SMIM3: variants seen among roughly 807,000 people sequenced by gnomAD.
The protein encoded by SMIM3 is NGF-induced differentiation clone 67 protein.
In SMIM3, 4 loss-of-function variants were observed where a neutral mutation model predicts 2.1. The observed-to-expected ratio is 1.89, with a 90% CI of 0.93 to 4.31. The LOEUF (loss-of-function observed/expected upper bound fraction) is 4.31. Ranked by LOEUF, SMIM3 falls within the 30% of genes most tolerant of loss-of-function variation. The pLI is 0.01. For missense variants in SMIM3, 79 were observed against 77.7 expected (o/e 1.02, Z -0.06); for synonymous variants, 29 against 30.8 (o/e 0.94, Z 0.19).
chr5:150,787,577 G>T (rs1239875701), intron 1 of SMIM3, among the ~76,000 whole-genome samples: 1 of 152,080 alleles, frequency 6.6e-6, no homozygotes, highest in Non-Finnish European at 1.5e-5. Flanking sequence ...TGCAGAATCA[G>T]GATTCCTGAG....
In SMIM3 at chr5:150,795,689, T is replaced by A; in HGVS notation, c.*66T>A. The stretch of plus-strand genomic sequence containing the variant: ...TCCTATCCCCAGCCTCTTCCTGTCT[T>A]CAGAAAAGCAGCAGGAGGGACTTTG... On this transcript the variant is annotated 3_prime_UTR_variant, in exon 2 of 2. Coordinates refer to ENST00000526627, the MANE Select transcript of SMIM3 (RefSeq NM_032947.5). 2.0e-6 allele frequency: 3 copies of A among 1,499,436 alleles called. No individual in the cohort carries two copies. The highest frequency in any genetic ancestry group is 1.8e-6 in the Non-Finnish European group (2 of 1,119,460). The allele number at this position is 1,499,436 out of a possible 1,614,324, so 92.9% of individuals were successfully genotyped here.
At chr5:150,779,786 G>C (rs1436398936) in intron 1 of SMIM3, among the ~76,000 whole-genome samples, 1 of 151,974 alleles carries the variant, frequency 6.6e-6, no homozygotes, top group Non-Finnish European at 1.5e-5. Flanking sequence ...GCTAACAGTA[G>C]GTGCTCCATA....
At chr5:150,785,920 G>A (rs1753288124) in intron 1 of SMIM3, among the ~76,000 whole-genome samples, 1 of 152,086 alleles carries the variant, frequency 6.6e-6, no homozygotes, top group African/African-American at 2.4e-5. Flanking sequence ...TCCAATTTAT[G>A]TATTCTGCTA....
chr5:150,790,781 T>C (rs1027319051), intron 1 of SMIM3, among the ~76,000 whole-genome samples: 1 of 152,208 alleles, frequency 6.6e-6, no homozygotes, highest in Non-Finnish European at 1.5e-5. Context: ...CCTTTGAGTC[T>C]AATTCAGTAT....
At chr5:150,779,082 C>T (rs1470543400) in intron 1 of SMIM3, 110 bp downstream of exon 1, 2 of 442,362 alleles carry the variant, frequency 4.5e-6, no homozygotes, top group African/African-American at 4.1e-5. Flanking sequence ...CAACGTTCTT[C>T]TTTATGTCCG....
chr5:150,780,303 G>T (rs1581619836), intron 1 of SMIM3, among the ~76,000 whole-genome samples: 2 of 152,120 alleles, frequency 1.3e-5, no homozygotes, highest in East Asian at 3.9e-4. Flanking sequence ...ATGCTCTTTG[G>T]TTTATGCAGG....
intron 1 of SMIM3, among the ~76,000 whole-genome samples, chr5:150,783,212 G>GTTGT (rs1408769322): frequency 6.6e-6 from 1 of 152,238 alleles, no homozygotes; most frequent in Non-Finnish European, 1.5e-5. Flanking sequence ...CTGGGACACA[G>GTTGT]TTGTTAGGTT....
At chr5:150,789,219 G>A (rs888615547) in intron 1 of SMIM3, among the ~76,000 whole-genome samples, 2 of 152,136 alleles carry the variant, frequency 1.3e-5, no homozygotes, top group African/African-American at 4.8e-5. Context: ...AAGAAACAAG[G>A]TTTTATGCAC....
chr5:150,792,350 C>T (rs373560816), intron 1 of SMIM3, among the ~76,000 whole-genome samples: 3 of 152,278 alleles, frequency 2.0e-5, no homozygotes, highest in East Asian at 3.9e-4. Context: ...ACTGAAGTGT[C>T]CTGGGAGCCC....
chr5:150,787,013 T>C (rs1753300180), intron 1 of SMIM3, among the ~76,000 whole-genome samples: 1 of 152,200 alleles, frequency 6.6e-6, no homozygotes, highest in Admixed American at 6.5e-5. Context: ...TTCCAGTTCA[T>C]CTTTAGCACT....
chr5:150,788,633 CAA>C (rs765111003), intron 1 of SMIM3, among the ~76,000 whole-genome samples: 17 of 79,976 alleles, frequency 2.1e-4, no homozygotes, highest in Admixed American at 4.8e-4. Context: ...GACTGTGTCT[CAA>C]AAAAAAAAAA....
At chr5:150,781,226 G>T (rs1753229942) in intron 1 of SMIM3, among the ~76,000 whole-genome samples, 1 of 152,156 alleles carries the variant, frequency 6.6e-6, no homozygotes, top group South Asian at 2.1e-4. Context: ...GGGGAACTAG[G>T]TTCAGATCTT....
At chr5:150,793,777 C>T (rs1302667250) in intron 1 of SMIM3, among the ~76,000 whole-genome samples, 2 of 152,134 alleles carry the variant, frequency 1.3e-5, no homozygotes, top group Admixed American at 6.5e-5. Flanking sequence ...GATTTCATGA[C>T]CAAGAACCCA....
At chr5:150,789,782 G>A (rs1753330702) in intron 1 of SMIM3, among the ~76,000 whole-genome samples, 1 of 152,146 alleles carries the variant, frequency 6.6e-6, no homozygotes, top group Admixed American at 6.5e-5. Context: ...ATTATTTTTA[G>A]TTTGAATTGC....
At position 150,795,630 on chromosome 5, in the gene SMIM3, C is replaced by T. The variant is rs751458789; in HGVS notation, c.*7C>T. 6.5e-7 allele frequency: 1 copy of T among 1,540,228 alleles called. No homozygotes were observed. The highest frequency in any genetic ancestry group is 8.7e-7 in the Non-Finnish European group (1 of 1,148,384). On this transcript the variant is annotated 3_prime_UTR_variant, in exon 2 of 2. Transcript: ENST00000526627. ...CCTTAGTGGGGCTGTTTGAGAGCCTCCCAAGAGGGCCGGGTGAGGGATGAG... is the reference window on the plus strand; with the variant it reads ...CCTTAGTGGGGCTGTTTGAGAGCCTTCCAAGAGGGCCGGGTGAGGGATGAG...
rs1581621395 is a variant in SMIM3 at position 150,785,607 on chromosome 5, G to A, written c.-12+6635G>A. 1.6e-5 allele frequency among the ~76,000 whole-genome samples: 2 copies of A among 128,114 alleles called. 1 individual carries two copies. 84.0% of individuals were successfully genotyped at this position (128,114 alleles called of 152,430 possible). A position where few individuals can be genotyped will look rare whatever the true frequency, so the allele number is the denominator to read the frequency against. On this transcript the variant is annotated intron_variant, in intron 1 of 1. Transcript: ENST00000526627. The stretch of plus-strand genomic sequence containing the variant: ...TTTTTTTTTTTTTTTTTTTGAAATG[G>A]AGTCTCACTCTGTTGCTCAGGCTGG...
At position 150,795,496 on chromosome 5, in the gene SMIM3, A is replaced by G. The variant is rs757205523; in HGVS notation, c.56A>G (p.Asp19Gly). 1.9e-5 allele frequency: 31 copies of G among 1,613,720 alleles called. No individual in the cohort carries two copies. The Admixed American group carries it at 5.2e-4, about 27-fold the overall frequency. Reference protein sequence around the residue: ...MEVVLPKHILDIWVIVLIILA... With the variant: ...MEVVLPKHILGIWVIVLIILA... ...GTCGTGCTTCCCAAGCACATCCTGG[A>G]TATCTGGGTTATTGTCCTCATCATC... Residue 19 changes from aspartate to glycine, a missense_variant, in exon 2 of 2, where the codon GAT becomes GGT. Coordinates refer to ENST00000526627, the MANE Select transcript of SMIM3 (RefSeq NM_032947.5).
intron 1 of SMIM3, among the ~76,000 whole-genome samples, chr5:150,792,218 T>C (rs1347028042): frequency 6.6e-6 from 1 of 152,228 alleles, no homozygotes; most frequent in African/African-American, 2.4e-5. Flanking sequence ...ATTAGGAATT[T>C]TGCTTGGAAC....
At chr5:150,782,332 A>T (rs1294638207) in intron 1 of SMIM3, among the ~76,000 whole-genome samples, 2 of 152,170 alleles carry the variant, frequency 1.3e-5, no homozygotes, top group Non-Finnish European at 2.9e-5. Context: ...TGAAGCTGGT[A>T]TGTCCTTCTC....
Sources: allele counts gnomAD v4.1 joint callset (sites outside exome capture counted in the v4.1 genomes callset), GRCh38; gene constraint gnomAD v4.1.1; transcripts MANE v1.5; gene names NCBI Gene and HGNC (gene_info 2026-07-23, HGNC 2026-07-21).